The following ALOXE3 variants were observed in gnomAD, a reference collection of about 807,000 sequenced individuals.
The protein encoded by ALOXE3 is hydroperoxide isomerase ALOXE3.
ALOXE3 carries 78 observed loss-of-function variants against 87.5 expected under a neutral mutation model. The ratio of observed to expected loss-of-function variants is 0.89; its 90% CI spans 0.74 to 1.08. ALOXE3 has a LOEUF of 1.08. ALOXE3 is among the 50% of genes least tolerant of loss of function. ALOXE3 has a pLI of 0.00. For missense variants in ALOXE3, 946 were observed against 912.4 expected (o/e 1.04, Z -0.47); for synonymous variants, 363 against 370.8 (o/e 0.98, Z 0.24).
intron 13 of ALOXE3, among the ~76,000 whole-genome samples, chr17:8,105,118 C>G (rs1021298558): frequency 6.6e-6 from 1 of 152,220 alleles, no homozygotes; most frequent in Non-Finnish European, 1.5e-5. Context: ...CGCTAAAACC[C>G]TCGGAGGGCT....
At chr17:8,103,048 A>G (rs1256758934) in intron 15 of ALOXE3, among the ~76,000 whole-genome samples, 1 of 152,224 alleles carries the variant, frequency 6.6e-6, no homozygotes, top group Non-Finnish European at 1.5e-5. Flanking sequence ...GAAGTATCCA[A>G]CAAATGTTTA....
chr17:8,108,231 C>G (rs1377302347), intron 13 of ALOXE3, among the ~76,000 whole-genome samples: 1 of 152,110 alleles, frequency 6.6e-6, no homozygotes, highest in African/African-American at 2.4e-5. Flanking sequence ...GTGGAAAGGT[C>G]AAGGGACCAG....
intron 13 of ALOXE3, among the ~76,000 whole-genome samples, chr17:8,105,231 C>T (rs893606077): frequency 2.6e-5 from 4 of 152,206 alleles, no homozygotes; most frequent in African/African-American, 4.8e-5. Flanking sequence ...TCCAGCTGTG[C>T]AGGCCTTCCT....
chr17:8,098,228 GTTTTTGTTTTT>G (rs1323083581), intron 15 of ALOXE3, among the ~76,000 whole-genome samples: 1 of 88,138 alleles, frequency 1.1e-5, no homozygotes, highest in Non-Finnish European at 2.6e-5. Context: ...TATACTTTTG[GTTTTTGTTTTT>G]TTTTTTTTTT....
At chr17:8,109,856 G>A in intron 11 of ALOXE3, 60 bp downstream of exon 11, 4 of 1,489,542 alleles carry the variant, frequency 2.7e-6, no homozygotes, top group South Asian at 1.2e-5. Flanking sequence ...GCTTGGGGGC[G>A]GGTAGCGGGG....
rs9910758 is a variant in ALOXE3, at chr17:8,110,639, C to A, written c.958-111G>T. The A allele has an allele frequency of 1.0e-4, 154 of 1,470,260 alleles. No individual in the cohort carries two copies. In the African/African-American group the frequency reaches 2.0e-3, roughly 19 times the overall value. The allele number at this position is 1,470,260 out of a possible 1,614,324, so 91.1% of individuals were successfully genotyped here. Reference sequence around the variant, plus strand: ...AGGAGCTGAGGCCCCCAGCTGAGGTCTCAGAAATTCTTGGTGCCTGAATTA... The same window carrying A: ...AGGAGCTGAGGCCCCCAGCTGAGGTATCAGAAATTCTTGGTGCCTGAATTA... On this transcript the variant is annotated intron_variant, in intron 8 of 15. Coordinates refer to ENST00000448843, the MANE Select transcript of ALOXE3 (RefSeq NM_021628.3).
In ALOXE3 at chr17:8,117,931, G is replaced by A; in HGVS notation, c.60C>T (p.Asp20=). 1 of 1,612,284 alleles carries A rather than the reference G, an allele frequency of 6.2e-7. No individual in the cohort carries two copies. The highest frequency in any genetic ancestry group is 1.1e-5 in the South Asian group (1 of 90,740). The change falls in exon 2 of 16, where the codon GAC becomes GAT. Residue 20 remains aspartate, a synonymous_variant. Coordinates refer to ENST00000448843, the MANE Select transcript of ALOXE3 (RefSeq NM_021628.3). The part of the protein sequence containing the change: ...TGPYLRAGTL[D]NISVTLVGTC... ...TGCCCACCAGTGTGACAGAGATGTT[G>A]TCCAGTGTGCCGGCCCTCAGGTAGG...
rs371691471 is a variant in ALOXE3, at chr17:8,110,492, C to A, written c.994G>T (p.Ala332Ser). ...TTTAGGCAGTGGGTGGGGGCCTCCG[C>A]CAGGATCCAGTAGTCCGCTAGGAAG... ...NIFLADYWIL[A>S]EAPTHCLNGR... The change falls in exon 9 of 16, where the codon GCG becomes TCG. Residue 332 changes from alanine (A) to serine (S), a missense_variant. Coordinates refer to ENST00000448843, the MANE Select transcript of ALOXE3 (RefSeq NM_021628.3). 6.2e-6 allele frequency: 10 copies of A among 1,613,790 alleles called. No individual in the cohort carries two copies. Among genetic ancestry groups the A allele is most frequent in the Non-Finnish European group, 7.6e-6 (9 of 1,179,912 alleles).
intron 6 of ALOXE3, among the ~76,000 whole-genome samples, chr17:8,113,088 C>G (rs543257715): frequency 4.8e-4 from 73 of 152,334 alleles, no homozygotes; most frequent in Non-Finnish European, 8.5e-4. Context: ...TCTACTCCAT[C>G]TCTATGATAA....
chr17:8,115,198 T>G (rs766870436), intron 4 of ALOXE3, 141 bp from the exon 5 acceptor site: 144 of 1,196,190 alleles, frequency 1.2e-4, no homozygotes, highest in Non-Finnish European at 1.7e-4. Flanking sequence ...CATTTCTCCA[T>G]GAAAGCACTG....
chr17:8,102,961 G>A (rs1979015308), intron 15 of ALOXE3, among the ~76,000 whole-genome samples: 1 of 152,170 alleles, frequency 6.6e-6, no homozygotes, highest in Non-Finnish European at 1.5e-5. Flanking sequence ...TCCTCAACTA[G>A]ACCACAGGCT....
intron 15 of ALOXE3, among the ~76,000 whole-genome samples, chr17:8,099,370 T>TACG (rs55672933): frequency 6.6e-6 from 1 of 151,666 alleles, no homozygotes; most frequent in Non-Finnish European, 1.5e-5. Flanking sequence ...CTGCCCTTCT[T>TACG]AGTACTACCA....
rs1234968607 is a variant in ALOXE3, at chr17:8,118,281, G to A, written c.-291C>T. The A allele has an allele frequency of 6.4e-7, 1 of 1,551,764 alleles. No individual in the cohort carries two copies. Among genetic ancestry groups the A allele is most frequent in the Admixed American group, 2.0e-5 (1 of 51,002 alleles). On this transcript the variant is annotated 5_prime_UTR_variant, in exon 2 of 16. Coordinates refer to ENST00000448843, the MANE Select transcript of ALOXE3 (RefSeq NM_021628.3). The stretch of plus-strand genomic sequence containing the variant: ...GTCCCTCTGGCTGGCTCACCCAGAT[G>A]GATATCAGGAGCCTGGGTTCCACTG...
intron 11 of ALOXE3, 128 bp from the exon 12 acceptor site, chr17:8,109,471 A>T: frequency 7.7e-7 from 1 of 1,299,106 alleles, no homozygotes; most frequent in Non-Finnish European, 1.1e-6. Context: ...CCACGGATCA[A>T]ATACCCACGA....
At chr17:8,115,990 G>A (rs544383363) in intron 3 of ALOXE3, among the ~76,000 whole-genome samples, 27 of 152,290 alleles carry the variant, frequency 1.8e-4, no homozygotes, top group South Asian at 6.2e-4. Flanking sequence ...CTGTATTCCC[G>A]GCTTCTAGCA....
chr17:8,113,896 C>A (rs536778530), intron 6 of ALOXE3, among the ~76,000 whole-genome samples: 2 of 151,140 alleles, frequency 1.3e-5, no homozygotes, highest in South Asian at 2.1e-4. Context: ...ATGGTGGCAC[C>A]TGCCTGTAGT....
chr17:8,109,899 C>A lies in ALOXE3; in HGVS notation c.1392+17G>T. 6.5e-7 allele frequency: 1 copy of A among 1,547,320 alleles called. No homozygotes were observed. Among genetic ancestry groups the A allele is most frequent in the Non-Finnish European group, 8.7e-7 (1 of 1,145,426 alleles). ...TCTTCGGGGGCGGAGATCAGTGACC[C>A]GGCAGGGAGGCCGCACCTGGTCCAC... On this transcript the variant is annotated intron_variant, in intron 11 of 15. Transcript: ENST00000448843.
rs1254529421 is a variant in ALOXE3, at chr17:8,117,818, C to G, written c.147+26G>C. 5 of 1,606,298 alleles carry G rather than the reference C, an allele frequency of 3.1e-6. No homozygotes were observed. In the East Asian group the frequency reaches 8.9e-5, roughly 29 times the overall value. On this transcript the variant is annotated intron_variant, in intron 2 of 15. Coordinates refer to ENST00000448843, the MANE Select transcript of ALOXE3 (RefSeq NM_021628.3). ...TGCGGCCCCTGCCCCTCTGAGGTCG[C>G]GCTTCCCTGTCTCCTTTGTACTCAC...
chr17:8,108,349 G>A, intron 13 of ALOXE3, 119 bp downstream of exon 13: 1 of 1,435,722 alleles, frequency 7.0e-7, no homozygotes, highest in Non-Finnish European at 9.4e-7. Context: ...CTGCTAGTTG[G>A]GGATATTAAT....
Sources: allele counts gnomAD v4.1 joint callset (sites outside exome capture counted in the v4.1 genomes callset), GRCh38; gene constraint gnomAD v4.1.1; transcripts MANE v1.5; gene names NCBI Gene and HGNC (gene_info 2026-07-23, HGNC 2026-07-21).